The following ARSG variants were observed in gnomAD, a reference collection of about 807,000 sequenced individuals.
ARSG encodes ASG.
A neutral mutation model predicts 50.5 loss-of-function variants in ARSG; 37 were observed. That is an observed-to-expected ratio of 0.73 (90% CI 0.56 to 0.96). ARSG has a LOEUF of 0.96. ARSG is among the 50% of genes least tolerant of loss of function. The probability of loss-of-function intolerance (pLI) is 0.00; values close to 1 mark genes in which losing one functional copy is unlikely to be tolerated. For synonymous variants in ARSG, 225 were observed against 254.6 expected (o/e 0.88, Z 1.11); for missense variants, 629 against 675.3 (o/e 0.93, Z 0.76).
intron 1 of ARSG, among the ~76,000 whole-genome samples, chr17:68,302,265 A>C (rs1475406293): frequency 3.9e-5 from 6 of 152,154 alleles, no homozygotes; most frequent in Non-Finnish European, 8.8e-5. Flanking sequence ...GAGTAAAACA[A>C]CAGCAGTCCA....
At chr17:68,447,984 CAAAAAAAAAAA>C in the ARSG span, among the ~76,000 whole-genome samples, 1,458 of 80,284 alleles carry the variant, frequency 0.018, 31 homozygotes, top group African/African-American at 0.064. Context: ...GACTCTATCT[CAAAAAAAAAAA>C]AAAAAAAAAA....
At chr17:68,319,977 T>C (rs879947138) in intron 2 of ARSG, among the ~76,000 whole-genome samples, 3 of 152,172 alleles carry the variant, frequency 2.0e-5, no homozygotes, top group Non-Finnish European at 4.4e-5. Context: ...AAGCTTGCAG[T>C]GAGGAATCCT....
chr17:68,284,672 A>G (rs1301965825), intron 1 of ARSG, among the ~76,000 whole-genome samples: 3 of 152,238 alleles, frequency 2.0e-5, no homozygotes, highest in Non-Finnish European at 4.4e-5. Flanking sequence ...CTTAAAAAGC[A>G]GCAAATCTGA....
chr17:68,394,508 A>G (rs530218929), intron 9 of ARSG, among the ~76,000 whole-genome samples: 109 of 152,258 alleles, frequency 7.2e-4, no homozygotes, highest in African/African-American at 2.5e-3. Context: ...GTGGTGGTAC[A>G]TGCTTGTAGT....
At chr17:68,388,908 G>A (rs2080855228) in intron 9 of ARSG, among the ~76,000 whole-genome samples, 1 of 135,402 alleles carries the variant, frequency 7.4e-6, no homozygotes, top group East Asian at 2.2e-4. Context: ...CTGGGCGACA[G>A]TGAGACTCTG....
In ARSG at chr17:68,357,289, G is replaced by A. The variant is rs186292346; in HGVS notation, c.704+485G>A. Among the ~76,000 whole-genome samples the A allele has an allele frequency of 5.0e-3, 767 of 152,314 alleles. 4 individuals carry two copies. The highest frequency in any genetic ancestry group is 7.7e-3 in the Non-Finnish European group (524 of 68,024). On this transcript the variant is annotated intron_variant, in intron 6 of 11. Coordinates refer to ENST00000621439, the MANE Select transcript of ARSG (RefSeq NM_001267727.2). ...CAGATGTCTGAAATGAGTCTTAGGG[G>A]GCTAAAATCAAGGCATCAGCAGGAC...
chr17:68,286,340 GA>G (rs2075841604), intron 1 of ARSG, among the ~76,000 whole-genome samples: 1 of 152,160 alleles, frequency 6.6e-6, no homozygotes, highest in Non-Finnish European at 1.5e-5. Flanking sequence ...AGCTGAAGGG[GA>G]AAATTGAGGT....
intron 1 of ARSG, among the ~76,000 whole-genome samples, chr17:68,299,265 C>G (rs559708324): frequency 6.6e-6 from 1 of 151,806 alleles, no homozygotes; most frequent in African/African-American, 2.4e-5. Flanking sequence ...CCACCACGCC[C>G]GGCTAATTTT....
the ARSG span, chr17:68,444,499 G>T: frequency 6.2e-7 from 1 of 1,613,030 alleles, no homozygotes; most frequent in South Asian, 1.1e-5. Context: ...TCACCTGTTG[G>T]GTTTGCAGGA....
intron 1 of ARSG, among the ~76,000 whole-genome samples, chr17:68,277,282 C>T (rs2075554874): frequency 6.6e-6 from 1 of 151,912 alleles, no homozygotes; most frequent in Non-Finnish European, 1.5e-5. Context: ...AGGCACATAC[C>T]ACCATGCCCA....
intron 11 of ARSG, among the ~76,000 whole-genome samples, chr17:68,414,629 A>G (rs2082255741): frequency 6.6e-6 from 1 of 152,088 alleles, no homozygotes; most frequent in Non-Finnish European, 1.5e-5. Flanking sequence ...TGTCTGGTGG[A>G]ATTCTGCTGT....
At chr17:68,273,816 A>C in intron 1 of ARSG, 1 of 1,330,766 alleles carries the variant, frequency 7.5e-7, no homozygotes, top group South Asian at 1.4e-5. Context: ...TTAATGTTAA[A>C]GAAAAAAAGA....
At chr17:68,376,131 A>T (rs1434319663) in intron 8 of ARSG, among the ~76,000 whole-genome samples, 1 of 152,002 alleles carries the variant, frequency 6.6e-6, no homozygotes. Flanking sequence ...TATTTTAGAG[A>T]TACAGTCTTG....
At chr17:68,296,799 T>G (rs543838124) in intron 1 of ARSG, among the ~76,000 whole-genome samples, 14 of 152,306 alleles carry the variant, frequency 9.2e-5, no homozygotes, top group African/African-American at 3.4e-4. Flanking sequence ...GTGTATAGTT[T>G]AGTTCAGAAG....
chr17:68,278,114 G>T, intron 1 of ARSG: 1 of 1,613,682 alleles, frequency 6.2e-7, no homozygotes, highest in Non-Finnish European at 8.5e-7. Flanking sequence ...CAAACACACA[G>T]ATTGAGATTA....
chr17:68,371,449 A>T (rs2079843484), intron 8 of ARSG, among the ~76,000 whole-genome samples: 1 of 152,098 alleles, frequency 6.6e-6, no homozygotes, highest in Non-Finnish European at 1.5e-5. Context: ...TTGTACCATA[A>T]TGCTTCTCAC....
intron 2 of ARSG, among the ~76,000 whole-genome samples, chr17:68,331,221 C>CTTT (rs2077740925): frequency 2.8e-5 from 1 of 35,254 alleles, no homozygotes; most frequent in Admixed American, 3.0e-4. Flanking sequence ...TTCTTTCTTT[C>CTTT]TTTCTTTCTT....
At chr17:68,336,360 C>G (rs945917842) in intron 2 of ARSG, among the ~76,000 whole-genome samples, 1 of 151,794 alleles carries the variant, frequency 6.6e-6, no homozygotes, top group Non-Finnish European at 1.5e-5. Context: ...CAGACACCCG[C>G]CACCACACCT....
At chr17:68,351,038 A>G (rs1473407763) in intron 4 of ARSG, among the ~76,000 whole-genome samples, 8 of 151,806 alleles carry the variant, frequency 5.3e-5, no homozygotes, top group Non-Finnish European at 1.0e-4. Flanking sequence ...CCATCCCACC[A>G]TCTCTATCGG....
Sources: gnomAD v4.1 joint callset for allele counts (sites outside exome capture counted in the v4.1 genomes callset) on GRCh38, gnomAD v4.1.1 for gene constraint, MANE v1.5 for transcripts, NCBI Gene and HGNC (gene_info 2026-07-23, HGNC 2026-07-21) for gene names.